The following MAP4K5 variants were observed in gnomAD, a reference collection of about 807,000 sequenced individuals.
The protein encoded by MAP4K5 is MAPK/ERK kinase kinase kinase 5.
In MAP4K5, 82 loss-of-function variants were observed where a neutral mutation model predicts 135.6. That is an observed-to-expected ratio of 0.60 (90% CI 0.51 to 0.73). The LOEUF (loss-of-function observed/expected upper bound fraction) is 0.73. Ranked by LOEUF, MAP4K5 falls within the 30% of genes least tolerant of loss-of-function variation. The pLI, the probability that MAP4K5 is intolerant of heterozygous loss-of-function variation, is 0.00. For synonymous variants in MAP4K5, 347 were observed against 335.0 expected (o/e 1.04, Z -0.39); for missense variants, 907 against 1,010.9 (o/e 0.90, Z 1.39).
At chr14:50,512,601 T>C (rs1023048234) in intron 2 of MAP4K5, among the ~76,000 whole-genome samples, 1 of 152,168 alleles carries the variant, frequency 6.6e-6, no homozygotes. Context: ...GAAGAACCGA[T>C]GGGCAAATGT....
At chr14:50,531,588 T>C (rs1358594695) in intron 2 of MAP4K5, among the ~76,000 whole-genome samples, 1 of 152,242 alleles carries the variant, frequency 6.6e-6, no homozygotes, top group Non-Finnish European at 1.5e-5. Flanking sequence ...CTTTCCTGTC[T>C]ATCTTCCATG....
chr14:50,546,473 A>T (rs923541202), intron 1 of MAP4K5, among the ~76,000 whole-genome samples: 1 of 152,170 alleles, frequency 6.6e-6, no homozygotes, highest in Non-Finnish European at 1.5e-5. Context: ...CTTGGCTTAT[A>T]AGTAAATGAG....
intron 2 of MAP4K5, among the ~76,000 whole-genome samples, chr14:50,508,914 A>G (rs938339599): frequency 6.6e-6 from 1 of 152,170 alleles, no homozygotes; most frequent in African/African-American, 2.4e-5. Flanking sequence ...TTATGCTACT[A>G]TAAAGACACA....
chr14:50,439,954 A>G, intron 23 of MAP4K5, 59 bp downstream of exon 23: 1 of 1,335,576 alleles, frequency 7.5e-7, no homozygotes. Flanking sequence ...AAAATGGTGT[A>G]TATTAAAATT....
intron 9 of MAP4K5, chr14:50,472,159 TAAA>T (rs60203442): frequency 1.9e-4 from 21 of 108,270 alleles, no homozygotes; most frequent in African/African-American, 2.5e-4. Context: ...TCTATGAAGG[TAAA>T]AAAAAAAAAA....
chr14:50,484,620 C>A (rs2037323516), intron 5 of MAP4K5, among the ~76,000 whole-genome samples: 1 of 152,092 alleles, frequency 6.6e-6, no homozygotes, highest in East Asian at 1.9e-4. Context: ...GATATATACC[C>A]AGGTCAATAA....
chr14:50,531,975 C>T lies in MAP4K5; in HGVS notation c.75G>A (p.Arg25=), dbSNP rs2038401948. Residue 25 remains arginine, a synonymous_variant, in exon 2 of 33, where the codon AGG becomes AGA. Transcript: ENST00000682126. Reference sequence around the variant, plus strand: ...CGTCCCCGTAGGTGCCGCTGCCGACCCTCTGGACGAGTTCGTAGTCCTGCT... The same window carrying T: ...CGTCCCCGTAGGTGCCGCTGCCGACTCTCTGGACGAGTTCGTAGTCCTGCT... ...NPQQDYELVQ[R]VGSGTYGDVY... 4 of 1,604,714 alleles carry T rather than the reference C, an allele frequency of 2.5e-6. No individual in the cohort carries two copies. Among genetic ancestry groups the T allele is most frequent in the Non-Finnish European group, 3.4e-6 (4 of 1,175,956 alleles).
At chr14:50,518,453 C>T (rs1352934346) in intron 2 of MAP4K5, among the ~76,000 whole-genome samples, 1 of 152,146 alleles carries the variant, frequency 6.6e-6, no homozygotes. Context: ...TCCCTGTGTT[C>T]TCACTGTTCA....
At chr14:50,485,828 T>C in intron 4 of MAP4K5, 186 bp from the exon 5 acceptor site, 3 of 555,128 alleles carry the variant, frequency 5.4e-6, no homozygotes, top group Non-Finnish European at 9.4e-6. Context: ...CCATCTTCAG[T>C]GGTTTAGAAT....
intron 14 of MAP4K5, among the ~76,000 whole-genome samples, chr14:50,451,414 GC>G (rs2036483053): frequency 3.3e-5 from 5 of 152,222 alleles, no homozygotes; most frequent in Admixed American, 2.0e-4. Context: ...ATAAATAGTG[GC>G]CAAGCATTTT....
chr14:50,537,962 G>T (rs1464223819), intron 2 of MAP4K5, among the ~76,000 whole-genome samples: 1 of 152,142 alleles, frequency 6.6e-6, no homozygotes, highest in African/African-American at 2.4e-5. Flanking sequence ...TAACACTTTG[G>T]GGGACTGTTG....
At chr14:50,519,758 A>G (rs540342937) in intron 2 of MAP4K5, among the ~76,000 whole-genome samples, 1 of 152,234 alleles carries the variant, frequency 6.6e-6, no homozygotes, top group South Asian at 2.1e-4. Flanking sequence ...TATCTATGCC[A>G]AGGCAAGAAG....
At chr14:50,561,121 G>T (rs1166562947) in exon 1 of MAP4K5, 1 of 152,306 alleles carries the variant, frequency 6.6e-6, no homozygotes, top group Admixed American at 6.5e-5. Context: ...TGTTCACACC[G>T]CGAGTGGGTG....
At position 50,423,137 on chromosome 14, in the gene MAP4K5, A is replaced by T; in HGVS notation, c.2437T>A (p.Leu813Ile). The T allele has an allele frequency of 6.4e-7, 1 of 1,572,944 alleles. No individual in the cohort carries two copies. The highest frequency in any genetic ancestry group is 8.7e-7 in the Non-Finnish European group (1 of 1,148,070). ...AACTATTACCTGTCTGATCCTAATA[A>T]GCGGAAAACTCTTGTTTCATCTGAA... Reference protein sequence around the residue: ...EISDETRVFRLLGSDRVVVLE... With the variant: ...EISDETRVFRILGSDRVVVLE... The change falls in exon 32 of 33, where the codon TTA (leucine) becomes ATA (isoleucine). Residue 813 changes from leucine to isoleucine, a missense_variant. Physicochemically the swap from Leu to Ile is conservative, Grantham distance 5. Transcript: ENST00000682126.
chr14:50,442,807 A>G lies in MAP4K5; in HGVS notation c.1489T>C (p.Cys497Arg). The G allele has an allele frequency of 6.3e-7, 1 of 1,579,572 alleles. No homozygotes were observed. The highest frequency in any genetic ancestry group is 8.6e-7 in the Non-Finnish European group (1 of 1,158,024). ...CAGCCATCAAAAACTTTTGAAAAGC[A>G]TGCTCCCATCTTATTTATAAAGAAA... Reference protein sequence around the residue: ...PPTPKVLMGACFSKVFDGCPL... With the variant: ...PPTPKVLMGARFSKVFDGCPL... Residue 497 changes from cysteine (C) to arginine (R), a missense_variant, in exon 21 of 33, where the codon TGC becomes CGC. By Grantham distance (180) the Cys-to-Arg change is radical (BLOSUM62 -3). Around this residue, in one of 3 missense-constraint regions of MAP4K5, gnomAD observed 690 missense variants for 777.4 expected, o/e 0.89. Transcript: ENST00000682126.
chr14:50,503,354 A>G (rs2140011633), intron 3 of MAP4K5, among the ~76,000 whole-genome samples: 1 of 152,208 alleles, frequency 6.6e-6, no homozygotes, highest in Admixed American at 6.5e-5. Flanking sequence ...ATATTACTCA[A>G]TCTTAATACA....
chr14:50,468,544 C>T (rs965880870), intron 10 of MAP4K5, 107 bp downstream of exon 10: 1 of 1,165,784 alleles, frequency 8.6e-7, no homozygotes, highest in African/African-American at 1.5e-5. Flanking sequence ...CTTACAATAC[C>T]TTTACTATTT....
chr14:50,514,965 G>A (rs1042258190), intron 2 of MAP4K5, among the ~76,000 whole-genome samples: 2 of 150,488 alleles, frequency 1.3e-5, no homozygotes, highest in African/African-American at 2.5e-5. Flanking sequence ...GTACAGTGGC[G>A]TAATCTTGGC....
chr14:50,503,262 T>C (rs1049238031), intron 3 of MAP4K5, among the ~76,000 whole-genome samples: 1 of 151,992 alleles, frequency 6.6e-6, no homozygotes, highest in African/African-American at 2.4e-5. Flanking sequence ...ACCAAAAAAA[T>C]TTTTAAATGG....
Sources: gnomAD v4.1 joint callset for allele counts (sites outside exome capture counted in the v4.1 genomes callset) on GRCh38, gnomAD v4.1.1 for gene constraint, gnomAD v4.1.1 regional missense constraint, MANE v1.5 for transcripts, NCBI Gene and HGNC (gene_info 2026-07-23, HGNC 2026-07-21) for gene names.